KCNB2: variants seen among roughly 807,000 people sequenced by gnomAD.
KCNB2 encodes the protein delayed rectifier potassium channel protein.
A neutral mutation model predicts 61.5 loss-of-function variants in KCNB2; 15 were observed. The ratio of observed to expected loss-of-function variants is 0.24; its 90% CI spans 0.16 to 0.38. KCNB2 has a LOEUF of 0.38. Among genes scored for constraint, KCNB2 ranks in the 10% least tolerant of loss-of-function variants. KCNB2 has a pLI of 1.00. For synonymous variants in KCNB2, 457 were observed against 446.0 expected, an observed-to-expected ratio of 1.02 and a Z score of -0.31; for missense variants, 828 against 1,125.2, an observed-to-expected ratio of 0.74 and a Z score of 3.78.
chr8:72,907,088 T>C (rs887513298), intron 2 of KCNB2, among the ~76,000 whole-genome samples: 5 of 152,102 alleles, frequency 3.3e-5, no homozygotes, highest in African/African-American at 1.2e-4. Flanking sequence ...GCTGTGCACG[T>C]TGGCGCACAC....
chr8:72,716,464 A>G (rs1389343958), intron 2 of KCNB2, among the ~76,000 whole-genome samples: 3 of 152,218 alleles, frequency 2.0e-5, no homozygotes, highest in Non-Finnish European at 2.9e-5. Flanking sequence ...CTTATCCACC[A>G]TGATCAAGTG....
chr8:72,587,692 C>T (rs779804088), intron 2 of KCNB2, among the ~76,000 whole-genome samples: 12 of 152,010 alleles, frequency 7.9e-5, no homozygotes, highest in Admixed American at 1.3e-4. Context: ...CATGATCACA[C>T]CACTGCACTC....
chr8:72,575,012 C>T (rs1806773668), intron 2 of KCNB2, among the ~76,000 whole-genome samples: 2 of 152,232 alleles, frequency 1.3e-5, no homozygotes, highest in South Asian at 4.1e-4. Flanking sequence ...AGGAAGAAGA[C>T]AAACAAATAC....
chr8:72,885,589 T>A (rs1420026618), intron 2 of KCNB2, among the ~76,000 whole-genome samples: 1 of 152,162 alleles, frequency 6.6e-6, no homozygotes, highest in Non-Finnish European at 1.5e-5. Context: ...GGCAGAAGGG[T>A]ATGCATCAAA....
intron 2 of KCNB2, among the ~76,000 whole-genome samples, chr8:72,867,176 G>A (rs1260449931): frequency 6.6e-6 from 1 of 151,760 alleles, no homozygotes; most frequent in Non-Finnish European, 1.5e-5. Context: ...TAATTTTCCT[G>A]TATTTTAGAC....
chr8:72,773,069 G>A (rs1353885546), intron 2 of KCNB2, among the ~76,000 whole-genome samples: 6 of 152,136 alleles, frequency 3.9e-5, no homozygotes, highest in Non-Finnish European at 7.4e-5. Context: ...CTCCTCTTTA[G>A]TCCATCCTCT....
At chr8:72,893,161 T>C (rs749703993) in intron 2 of KCNB2, among the ~76,000 whole-genome samples, 1 of 151,862 alleles carries the variant, frequency 6.6e-6, no homozygotes, top group Non-Finnish European at 1.5e-5. Flanking sequence ...TATGAAGAGA[T>C]TTTGTTTGCT....
intron 1 of KCNB2, among the ~76,000 whole-genome samples, chr8:72,557,404 T>A (rs1412914897): frequency 1.3e-5 from 1 of 77,260 alleles, no homozygotes; most frequent in Non-Finnish European, 2.9e-5. Context: ...TCTTTTCTTT[T>A]ACTTTTCTTT....
intron 2 of KCNB2, among the ~76,000 whole-genome samples, chr8:72,650,879 C>T (rs534467290): frequency 2.0e-4 from 31 of 152,198 alleles, no homozygotes; most frequent in Admixed American, 1.4e-3. Flanking sequence ...CTGGTCAAAA[C>T]GACTTTTAAT....
chr8:72,630,588 T>C (rs915991315), intron 2 of KCNB2, among the ~76,000 whole-genome samples: 1 of 152,204 alleles, frequency 6.6e-6, no homozygotes, highest in African/African-American at 2.4e-5. Flanking sequence ...GATCAAGGTG[T>C]CAGCAGGGTG....
At chr8:72,700,669 C>T (rs1403039634) in intron 2 of KCNB2, among the ~76,000 whole-genome samples, 1 of 152,084 alleles carries the variant, frequency 6.6e-6, no homozygotes, top group Non-Finnish European at 1.5e-5. Flanking sequence ...CTGCGGAAAG[C>T]AATTTGGAGA....
At chr8:72,831,178 G>C (rs1374581965) in intron 2 of KCNB2, among the ~76,000 whole-genome samples, 1 of 152,184 alleles carries the variant, frequency 6.6e-6, no homozygotes, top group Non-Finnish European at 1.5e-5. Flanking sequence ...CCCCAGGATG[G>C]TCTTGCACTT....
chr8:72,793,310 A>G (rs1484088577), intron 2 of KCNB2, among the ~76,000 whole-genome samples: 1 of 152,214 alleles, frequency 6.6e-6, no homozygotes, highest in African/African-American at 2.4e-5. Context: ...ACAGATACTA[A>G]TGGGTAGTTA....
intron 2 of KCNB2, among the ~76,000 whole-genome samples, chr8:72,888,496 A>G (rs1444367985): frequency 6.6e-6 from 1 of 152,228 alleles, no homozygotes; most frequent in East Asian, 1.9e-4. Flanking sequence ...TTTTGCTTTT[A>G]GTACATAAAA....
intron 2 of KCNB2, among the ~76,000 whole-genome samples, chr8:72,752,933 C>T (rs929287657): frequency 2.6e-5 from 4 of 152,192 alleles, no homozygotes; most frequent in Admixed American, 2.6e-4. Context: ...TTGCTTCCTT[C>T]TGGAATATCA....
Position 72,937,962 on chromosome 8 carries a change from T to C in KCNB2, c.2607T>C (p.His869=), listed in dbSNP as rs1376910126. 6.2e-7 allele frequency: 1 copy of C among 1,614,066 alleles called. No homozygotes were observed. Among genetic ancestry groups the C allele is most frequent in the Non-Finnish European group, 8.5e-7 (1 of 1,179,996 alleles). Residue 869 remains histidine (H), a synonymous_variant, in exon 3 of 3, where the codon CAT becomes CAC. Transcript: ENST00000523207. ...TGHNCRQDIY[H]AVSEVKKDSS... ...ACAACTGTAGGCAAGACATTTACCA[T>C]GCTGTGAGTGAAGTCAAAAAGGACA...
chr8:72,916,509 A>G (rs1806403942), intron 2 of KCNB2, among the ~76,000 whole-genome samples: 2 of 152,070 alleles, frequency 1.3e-5, no homozygotes, highest in African/African-American at 2.4e-5. Context: ...GGTGTCTGTA[A>G]CCCCTGAAGC....
At chr8:72,602,056 G>A (rs2128982593) in intron 2 of KCNB2, among the ~76,000 whole-genome samples, 1 of 152,294 alleles carries the variant, frequency 6.6e-6, no homozygotes, top group African/African-American at 2.4e-5. Flanking sequence ...GGGTTGCAAT[G>A]GGGGAGGGCA....
intron 2 of KCNB2, among the ~76,000 whole-genome samples, chr8:72,596,562 A>G (rs1807193406): frequency 1.3e-5 from 2 of 152,234 alleles, no homozygotes; most frequent in Non-Finnish European, 1.5e-5. Flanking sequence ...TCATTGTTAC[A>G]TAAGGCTGCC....
Sources: gnomAD v4.1 joint callset for allele counts (sites outside exome capture counted in the v4.1 genomes callset) on GRCh38, gnomAD v4.1.1 for gene constraint, MANE v1.5 for transcripts, NCBI Gene and HGNC (gene_info 2026-07-23, HGNC 2026-07-21) for gene names.